The following AK4 variants were observed in gnomAD, a reference collection of about 807,000 sequenced individuals.
AK4 encodes adenylate kinase 4, mitochondrial.
AK4 carries 13 observed loss-of-function variants against 24.6 expected under a neutral mutation model. The observed-to-expected ratio is 0.53, with a 90% CI of 0.34 to 0.84. AK4 has a LOEUF of 0.84. AK4 is among the 40% of genes least tolerant of loss of function. The pLI, the probability that AK4 is intolerant of heterozygous loss-of-function variation, is 0.01. For missense variants in AK4, 192 were observed against 288.2 expected (o/e 0.67, Z 2.42); for synonymous variants, 88 against 107.0 (o/e 0.82, Z 1.10).
chr1:65,190,113 G>T (rs1231449005), intron 1 of AK4, among the ~76,000 whole-genome samples: 1 of 152,034 alleles, frequency 6.6e-6, no homozygotes, highest in Non-Finnish European at 1.5e-5. Flanking sequence ...CCCAATTTGT[G>T]GCCTACCTCT....
At chr1:65,201,046 C>G (rs1651649085) in intron 2 of AK4, among the ~76,000 whole-genome samples, 1 of 152,180 alleles carries the variant, frequency 6.6e-6, no homozygotes, top group African/African-American at 2.4e-5. Context: ...CCCACCTCGG[C>G]CTCCCAAAGT....
chr1:65,218,690 T>C (rs183313787), intron 2 of AK4, 64 bp from the exon 3 acceptor site: 377 of 1,458,028 alleles, frequency 2.6e-4, no homozygotes, highest in Admixed American at 1.0e-3. Context: ...ACTGAAAATG[T>C]TTCAAGAACT....
At chr1:65,196,886 G>A (rs888084951) in intron 2 of AK4, among the ~76,000 whole-genome samples, 8 of 152,138 alleles carry the variant, frequency 5.3e-5, no homozygotes, top group Admixed American at 2.6e-4. Context: ...ACAGTTCCAC[G>A]TGGCTTGGGA....
intron 1 of AK4, among the ~76,000 whole-genome samples, chr1:65,170,147 C>T (rs1440373496): frequency 6.6e-6 from 1 of 152,034 alleles, no homozygotes; most frequent in African/African-American, 2.4e-5. Flanking sequence ...GAGGCGGAGG[C>T]GGGCGGATCA....
chr1:65,173,417 C>T (rs968880341), intron 1 of AK4, among the ~76,000 whole-genome samples: 10 of 152,148 alleles, frequency 6.6e-5, no homozygotes, highest in African/African-American at 7.2e-5. Context: ...AGTGGCTTCC[C>T]GGCACTCCAC....
chr1:65,181,845 C>G (rs1175451301), intron 1 of AK4, among the ~76,000 whole-genome samples: 1 of 152,124 alleles, frequency 6.6e-6, no homozygotes, highest in African/African-American at 2.4e-5. Flanking sequence ...TTCTGATGCC[C>G]CCTCCCTTTG....
chr1:65,151,722 A>G (rs898839032), intron 1 of AK4, among the ~76,000 whole-genome samples: 3 of 152,238 alleles, frequency 2.0e-5, no homozygotes, highest in Admixed American at 6.5e-5. Flanking sequence ...AACCTATAGC[A>G]TAGAGACCAT....
In AK4 at chr1:65,215,172, CTTTCT is replaced by C. The variant is rs1652091783; in HGVS notation, c.266-3578_266-3574del. Among the ~76,000 whole-genome samples the C allele has an allele frequency of 3.2e-5, 4 of 126,470 alleles. No homozygotes were observed. The Admixed American group carries it at 3.6e-4, about 11-fold the overall frequency. The allele number at this position is 126,470 out of a possible 152,430, so 83.0% of individuals were successfully genotyped here. On this transcript the variant is annotated intron_variant, in intron 2 of 4. Coordinates refer to ENST00000327299, the MANE Select transcript of AK4 (RefSeq NM_013410.4). ...TTCTTTTCTTTTCTTTTCTTTCTTT[CTTTCT>C]TTTTTTTTTGTTTGAGGCGGAGTCT...
intron 1 of AK4, among the ~76,000 whole-genome samples, chr1:65,149,673 G>A (rs1205418435): frequency 1.3e-5 from 2 of 152,120 alleles, no homozygotes; most frequent in Admixed American, 6.5e-5. Context: ...CAAAAGGAAA[G>A]CTTAAAAGCA....
intron 3 of AK4, among the ~76,000 whole-genome samples, chr1:65,222,238 C>T (rs1355712754): frequency 1.3e-5 from 2 of 152,150 alleles, no homozygotes; most frequent in Non-Finnish European, 2.9e-5. Flanking sequence ...TGATAGTACA[C>T]GTGGCTGACA....
chr1:65,154,580 G>A (rs1023421553), intron 1 of AK4: 4 of 516,994 alleles, frequency 7.7e-6, no homozygotes, highest in Non-Finnish European at 1.5e-5. Context: ...ATCCAGAAAT[G>A]TGGCCTCAAT....
intron 2 of AK4, among the ~76,000 whole-genome samples, chr1:65,208,304 A>G (rs1462099647): frequency 6.6e-6 from 1 of 152,226 alleles, no homozygotes; most frequent in Non-Finnish European, 1.5e-5. Flanking sequence ...GTACAAATAA[A>G]CATTGTGTAA....
chr1:65,155,960 T>G (rs1017053297), intron 1 of AK4, among the ~76,000 whole-genome samples: 1 of 150,414 alleles, frequency 6.6e-6, no homozygotes, highest in Non-Finnish European at 1.5e-5. Context: ...ATGAGCCACC[T>G]TCCACACACA....
intron 2 of AK4, among the ~76,000 whole-genome samples, chr1:65,214,357 C>T (rs906961146): frequency 1.3e-5 from 2 of 152,064 alleles, no homozygotes; most frequent in Non-Finnish European, 2.9e-5. Context: ...GTGATCCACC[C>T]GTCTTGGCCT....
At chr1:65,200,204 C>T (rs535841522) in intron 2 of AK4, among the ~76,000 whole-genome samples, 1 of 152,244 alleles carries the variant, frequency 6.6e-6, no homozygotes, top group African/African-American at 2.4e-5. Flanking sequence ...ACCTCTGCGT[C>T]ACGGGCTCCG....
chr1:65,180,642 T>C (rs1051993529), intron 1 of AK4, among the ~76,000 whole-genome samples: 11 of 152,250 alleles, frequency 7.2e-5, no homozygotes, highest in Non-Finnish European at 8.8e-5. Context: ...GGATAACTTA[T>C]AGAATGAAGT....
intron 4 of AK4, among the ~76,000 whole-genome samples, chr1:65,225,376 G>C (rs1652421603): frequency 6.6e-6 from 1 of 152,200 alleles, no homozygotes; most frequent in Non-Finnish European, 1.5e-5. Context: ...TGGGGGATGT[G>C]TCAAGCTAGA....
At position 65,226,065 on chromosome 1, in the gene AK4, G is replaced by A. The variant is rs138516264; in HGVS notation, c.560G>A (p.Ser187Asn). The A allele has an allele frequency of 3.7e-6, 6 of 1,611,844 alleles. No individual in the cohort carries two copies. The African/African-American group carries it at 8.0e-5, about 22-fold the overall frequency. ...VAKPVIELYKSRGVLHQFSGT... is the reference protein window; with the variant it reads ...VAKPVIELYKNRGVLHQFSGT... Reference sequence around the variant, plus strand: ...GTATGTTGGGCTTTGTTTTTCAGGAGCCGAGGAGTGCTCCACCAATTTTCC... The same window carrying A: ...GTATGTTGGGCTTTGTTTTTCAGGAACCGAGGAGTGCTCCACCAATTTTCC... The change falls in exon 5 of 5, where the codon AGC becomes AAC. Residue 187 changes from serine to asparagine, a missense_variant and splice_region_variant. By Grantham distance (46) the Ser-to-Asn change is conservative. Transcript: ENST00000327299.
At chr1:65,205,497 G>C (rs1226955863) in intron 2 of AK4, among the ~76,000 whole-genome samples, 1 of 152,134 alleles carries the variant, frequency 6.6e-6, no homozygotes, top group South Asian at 2.1e-4. Context: ...GCTCTCCAAA[G>C]TACTTGGATT....
Sources: allele counts gnomAD v4.1 joint callset (sites outside exome capture counted in the v4.1 genomes callset), GRCh38; gene constraint gnomAD v4.1.1; transcripts MANE v1.5; gene names NCBI Gene and HGNC (gene_info 2026-07-23, HGNC 2026-07-21).